The following NUP107 variants were observed in gnomAD, a reference collection of about 807,000 sequenced individuals.
The protein encoded by NUP107 is nuclear pore complex protein Nup107.
NUP107 carries 101 observed loss-of-function variants against 141.0 expected under a neutral mutation model. That is an observed-to-expected ratio of 0.72 (90% CI 0.61 to 0.84). NUP107 has a LOEUF of 0.84. Among genes scored for constraint, NUP107 ranks in the 40% least tolerant of loss-of-function variants. The pLI, the probability that NUP107 is intolerant of heterozygous loss-of-function variation, is 0.00. For missense variants in NUP107, 941 were observed against 1,102.7 expected (o/e 0.85, Z 2.08); for synonymous variants, 319 against 363.9 (o/e 0.88, Z 1.41).
chr12:68,696,753 G>T, intron 5 of NUP107, 66 bp from the exon 6 acceptor site: 2 of 823,366 alleles, frequency 2.4e-6, no homozygotes, highest in East Asian at 2.5e-5. Context: ...TCAAACAAAC[G>T]GAATTACCTA....
At position 68,744,261 on chromosome 12, in the gene NUP107, C is replaced by T. The variant is rs1878432075; in HGVS notation, c.*1799C>T. 2.0e-5 allele frequency: 3 copies of T among 152,234 alleles called. No individual in the cohort carries two copies. The South Asian group carries it at 6.2e-4, about 32-fold the overall frequency. 9.4% of individuals were successfully genotyped at this position (152,234 alleles called of 1,614,324 possible). Reference sequence around the variant, plus strand: ...ACTCTGTATTTGTCTTTTGTTGTGCCTTGTTTTTTGAATGTCCTTTAAAAA... The same window carrying T: ...ACTCTGTATTTGTCTTTTGTTGTGCTTTGTTTTTTGAATGTCCTTTAAAAA... On this transcript the variant is annotated 3_prime_UTR_variant, in exon 28 of 28. Coordinates refer to ENST00000229179, the MANE Select transcript of NUP107 (RefSeq NM_020401.4).
chr12:68,706,148 G>C, intron 8 of NUP107: 1 of 766,720 alleles, frequency 1.3e-6, no homozygotes, highest in Non-Finnish European at 2.4e-6. Flanking sequence ...GCAGGGGCTG[G>C]TGGAGGACTT....
intron 26 of NUP107, among the ~76,000 whole-genome samples, chr12:68,738,436 G>T (rs1247501338): frequency 6.7e-6 from 1 of 150,350 alleles, no homozygotes; most frequent in African/African-American, 2.4e-5. Context: ...GGGCAACAAA[G>T]GGAGACTCCG....
chr12:68,725,626 A>G, intron 17 of NUP107, 101 bp from the exon 18 acceptor site: 1 of 654,088 alleles, frequency 1.5e-6, no homozygotes, highest in Non-Finnish European at 2.6e-6. Flanking sequence ...TTTTCTTTCT[A>G]TATGTTCCTT....
At chr12:68,739,558 G>C (rs750892487) in intron 26 of NUP107, among the ~76,000 whole-genome samples, 3 of 152,264 alleles carry the variant, frequency 2.0e-5, no homozygotes, top group East Asian at 1.9e-4. Context: ...CACTACATGG[G>C]GGGGCGCGGT....
intron 15 of NUP107, 51 bp from the exon 16 acceptor site, chr12:68,721,786 CCTTT>C: frequency 6.5e-7 from 1 of 1,546,890 alleles, no homozygotes; most frequent in Non-Finnish European, 8.8e-7. Context: ...AATTGCTTTT[CCTTT>C]CTTTTCTGTT....
At position 68,696,871 on chromosome 12, in the gene NUP107, G is replaced by C. The variant is rs371149690; in HGVS notation, c.501G>C (p.Ser167=). 1.4e-5 allele frequency: 23 copies of C among 1,608,638 alleles called. No individual in the cohort carries two copies. In the East Asian group the frequency reaches 4.9e-4, roughly 34 times the overall value. The change falls in exon 6 of 28, where the codon TCG becomes TCC. Residue 167 remains serine (S), a synonymous_variant. Transcript: ENST00000229179. ...TGCAGTCTTTTCTGAAGCACTCTTC[G>C]AGTACAGTTTTTGATCTTGTGGAAG... The part of the protein sequence containing the change: ...DFLQSFLKHS[S]STVFDLVEEY...
Position 68,712,309 on chromosome 12 carries a change from C to T in NUP107, c.891-1421C>T, listed in dbSNP as rs564275094. On this transcript the variant is annotated intron_variant, in intron 10 of 27. Coordinates refer to ENST00000229179, the MANE Select transcript of NUP107 (RefSeq NM_020401.4). The stretch of plus-strand genomic sequence containing the variant: ...AGCAGTCTGGCCAACATGGTAAAAC[C>T]GCATCTCTACTAAAAATACAAAAAT... Among the ~76,000 whole-genome samples the T allele has an allele frequency of 5.9e-5, 9 of 151,374 alleles. No individual in the cohort carries two copies. The South Asian group carries it at 6.3e-4, about 11-fold the overall frequency.
chr12:68,718,278 T>C lies in NUP107; in HGVS notation c.1084-1063T>C, dbSNP rs145709829. 2.3e-3 allele frequency among the ~76,000 whole-genome samples: 348 copies of C among 152,108 alleles called. 2 individuals carry two copies. Among genetic ancestry groups the C allele is most frequent in the African/African-American group, 7.9e-3 (326 of 41,526 alleles). On this transcript the variant is annotated intron_variant, in intron 12 of 27. Coordinates refer to ENST00000229179, the MANE Select transcript of NUP107 (RefSeq NM_020401.4). ...AGTCCTGGTGGTGAATCTTGTTAGCTCACATCCCTAACCTTAGATTTCTGG... is the reference window on the plus strand; with the variant it reads ...AGTCCTGGTGGTGAATCTTGTTAGCCCACATCCCTAACCTTAGATTTCTGG...
intron 20 of NUP107, among the ~76,000 whole-genome samples, chr12:68,729,929 C>CA (rs999325881): frequency 6.6e-6 from 1 of 150,688 alleles, no homozygotes; most frequent in African/African-American, 2.4e-5. Flanking sequence ...CACAAATCTC[C>CA]AAAAAATGTT....
rs138282467 is a variant in NUP107, at chr12:68,715,748, A to C, written c.1083+8A>C. ...GCTGGAATGACAGAAGAGGTCAGTC[A>C]TGTATACCCTTCTTGTCTAATTTCA... On this transcript the variant is annotated splice_region_variant and intron_variant, in intron 12 of 27. Coordinates refer to ENST00000229179, the MANE Select transcript of NUP107 (RefSeq NM_020401.4). 178 of 1,502,606 alleles carry C rather than the reference A, an allele frequency of 1.2e-4. No homozygotes were observed. The East Asian group carries it at 3.9e-3, about 33-fold the overall frequency. The allele number at this position is 1,502,606 out of a possible 1,614,324, so 93.1% of individuals were successfully genotyped here.
chr12:68,721,219 AAAATT>A (rs780350662), intron 15 of NUP107, 42 bp downstream of exon 15: 6 of 1,217,450 alleles, frequency 4.9e-6, no homozygotes, highest in East Asian at 4.7e-5. Flanking sequence ...TCTGTGGAGT[AAAATT>A]AAATAAAATA....
intron 11 of NUP107, 76 bp from the exon 12 acceptor site, chr12:68,715,551 A>G (rs532320558): frequency 9.0e-6 from 7 of 780,092 alleles, no homozygotes; most frequent in Admixed American, 4.2e-5. Context: ...TAGGTTTATC[A>G]TCTCTTGATG....
Position 68,732,856 on chromosome 12 carries a change from A to C in NUP107, c.2101+117A>C, listed in dbSNP as rs190844404. The C allele has an allele frequency of 8.7e-3, 4,981 of 573,114 alleles. 37 individuals are homozygous for C. Among genetic ancestry groups the C allele is most frequent in the Middle Eastern group, 0.018 (46 of 2,608 alleles). 35.5% of individuals were successfully genotyped at this position (573,114 alleles called of 1,614,324 possible). On this transcript the variant is annotated intron_variant, in intron 23 of 27. Transcript: ENST00000229179. ...CACCACACCCACCTAATTTTTAAAA[A>C]ATTTTTTCTAGAGATGGGGTCTCAC...
chr12:68,737,567 A>AG (rs1436227029), intron 26 of NUP107, among the ~76,000 whole-genome samples: 1 of 151,600 alleles, frequency 6.6e-6, no homozygotes, highest in Non-Finnish European at 1.5e-5. Flanking sequence ...TCTCAAAAAA[A>AG]AAAAAAAAAA....
intron 8 of NUP107, among the ~76,000 whole-genome samples, chr12:68,707,520 G>T (rs1381668900): frequency 6.6e-6 from 1 of 152,160 alleles, no homozygotes; most frequent in Non-Finnish European, 1.5e-5. Flanking sequence ...GATCGCTTGT[G>T]CCCAGGAGGT....
At chr12:68,702,707 C>T in intron 7 of NUP107, 29 bp from the exon 8 acceptor site, 2 of 1,485,272 alleles carry the variant, frequency 1.3e-6, no homozygotes, top group Non-Finnish European at 1.8e-6. Flanking sequence ...TGAAATAAGG[C>T]TTTTTTATTT....
At position 68,733,508 on chromosome 12, in the gene NUP107, A is replaced by G. The variant is rs949623167; in HGVS notation, c.2158A>G (p.Ile720Val). 3 of 1,613,180 alleles carry G rather than the reference A, an allele frequency of 1.9e-6. No homozygotes were observed. The highest frequency in any genetic ancestry group is 2.2e-5 in the East Asian group (1 of 44,878). The change falls in exon 24 of 28, where the codon ATA becomes GTA. Residue 720 changes from isoleucine to valine, a missense_variant. Ile to Val is a conservative substitution (Grantham distance 29, BLOSUM62 3). Transcript: ENST00000229179. ...EVFVKIPQDSIAEIYNQCEEQ... is the reference protein window; with the variant it reads ...EVFVKIPQDSVAEIYNQCEEQ... ...ATTTGTGAAAATTCCTCAGGATTCT[A>G]TAGCAGAAATCTATAATCAGTGCGA...
chr12:68,711,204 A>T (rs1876838123), intron 10 of NUP107, among the ~76,000 whole-genome samples: 1 of 152,048 alleles, frequency 6.6e-6, no homozygotes, highest in Non-Finnish European at 1.5e-5. Flanking sequence ...ACAAAAAATT[A>T]GCCAGGCGTG....
Sources: allele counts gnomAD v4.1 joint callset (sites outside exome capture counted in the v4.1 genomes callset), GRCh38; gene constraint gnomAD v4.1.1; transcripts MANE v1.5; gene names NCBI Gene and HGNC (gene_info 2026-07-23, HGNC 2026-07-21).